The following AK5 variants were observed in gnomAD, a reference collection of about 807,000 sequenced individuals.
AK5 encodes the protein adenylate kinase 5, also known as adenylate kinase isoenzyme 5.
A neutral mutation model predicts 69.5 loss-of-function variants in AK5; 27 were observed. That is an observed-to-expected ratio of 0.39 (90% CI 0.29 to 0.54). The LOEUF is 0.54. Among genes scored for constraint, AK5 ranks in the 20% least tolerant of loss-of-function variants. The probability of loss-of-function intolerance (pLI) is 0.71; values close to 1 mark genes in which losing one functional copy is unlikely to be tolerated. For missense variants in AK5, 531 were observed against 700.4 expected (o/e 0.76, Z 2.73); for synonymous variants, 260 against 244.4 (o/e 1.06, Z -0.60).
intron 6 of AK5, among the ~76,000 whole-genome samples, chr1:77,354,054 T>C (rs1662360045): frequency 6.6e-6 from 1 of 152,038 alleles, no homozygotes; most frequent in South Asian, 2.1e-4. Flanking sequence ...CAAGAAGAAA[T>C]GAGACATCTG....
At chr1:77,423,223 AAAAAAAAT>A (rs1457018611) in intron 8 of AK5, among the ~76,000 whole-genome samples, 5 of 131,662 alleles carry the variant, frequency 3.8e-5, no homozygotes, top group Non-Finnish European at 7.0e-5. Context: ...TCCGTCTAAA[AAAAAAAAT>A]AAAAAAAAAA....
chr1:77,333,378 AT>A (rs945520791), intron 5 of AK5, among the ~76,000 whole-genome samples: 4 of 152,196 alleles, frequency 2.6e-5, no homozygotes, highest in East Asian at 3.9e-4. Flanking sequence ...TCCAGTTCAT[AT>A]TTTTTTAATT....
chr1:77,441,669 G>A (rs1267451316), intron 8 of AK5, among the ~76,000 whole-genome samples: 1 of 152,158 alleles, frequency 6.6e-6, no homozygotes, highest in Non-Finnish European at 1.5e-5. Flanking sequence ...AAGGGCTTCC[G>A]GGGTCTTCCT....
intron 3 of AK5, among the ~76,000 whole-genome samples, chr1:77,295,227 T>C (rs1207061201): frequency 2.0e-5 from 3 of 152,194 alleles, no homozygotes; most frequent in African/African-American, 7.2e-5. Context: ...GTCAAATTTA[T>C]GGAGACCCCA....
At chr1:77,526,102 T>C (rs1658265643) in intron 12 of AK5, among the ~76,000 whole-genome samples, 1 of 152,224 alleles carries the variant, frequency 6.6e-6, no homozygotes, top group African/African-American at 2.4e-5. Context: ...TCTAATCTTC[T>C]AGCCAACGTC....
intron 8 of AK5, among the ~76,000 whole-genome samples, chr1:77,482,325 A>T (rs1484539710): frequency 1.3e-5 from 2 of 152,208 alleles, no homozygotes; most frequent in African/African-American, 4.8e-5. Context: ...ATTTTTTTCC[A>T]ACCACCATGG....
chr1:77,351,230 C>T (rs1662179858), intron 6 of AK5, among the ~76,000 whole-genome samples: 1 of 151,806 alleles, frequency 6.6e-6, no homozygotes, highest in African/African-American at 2.4e-5. Context: ...CCCATCTCTA[C>T]CAAAAATACA....
intron 6 of AK5, among the ~76,000 whole-genome samples, chr1:77,368,284 T>TATATATA (rs761353767): frequency 0.12 from 11,816 of 97,994 alleles, 1,048 homozygotes; most frequent in East Asian, 0.29. Context: ...TTATATATGT[T>TATATATA]ATATATATGT....
chr1:77,426,881 A>G (rs947180559), intron 8 of AK5, among the ~76,000 whole-genome samples: 15 of 152,234 alleles, frequency 9.9e-5, no homozygotes, highest in African/African-American at 3.6e-4. Flanking sequence ...ATTTCTAAAT[A>G]ACACTTGGGT....
chr1:77,534,645 T>TGA (rs1308824448), intron 12 of AK5, among the ~76,000 whole-genome samples: 2 of 152,146 alleles, frequency 1.3e-5, no homozygotes, highest in African/African-American at 4.8e-5. Context: ...TTCTAGTTAA[T>TGA]GAGGAAGTCA....
At chr1:77,377,745 C>T (rs536788026) in intron 6 of AK5, among the ~76,000 whole-genome samples, 24 of 152,278 alleles carry the variant, frequency 1.6e-4, no homozygotes, top group African/African-American at 5.5e-4. Flanking sequence ...GTTCCTTAAG[C>T]GGGTGATATA....
intron 5 of AK5, among the ~76,000 whole-genome samples, chr1:77,329,676 C>A (rs1248254980): frequency 6.6e-6 from 1 of 152,184 alleles, no homozygotes; most frequent in African/African-American, 2.4e-5. Context: ...GTTATCAAAT[C>A]CAAGGGGAGT....
intron 12 of AK5, among the ~76,000 whole-genome samples, chr1:77,524,181 C>G (rs149582795): frequency 5.0e-4 from 76 of 152,264 alleles, no homozygotes; most frequent in African/African-American, 1.8e-3. Context: ...ATTCATTCAC[C>G]TATCGATAGA....
At chr1:77,337,697 A>G (rs1327663453) in intron 5 of AK5, among the ~76,000 whole-genome samples, 2 of 152,216 alleles carry the variant, frequency 1.3e-5, no homozygotes, top group Non-Finnish European at 2.9e-5. Flanking sequence ...TTTCTCAAAA[A>G]TGATTTGCAT....
Position 77,460,810 on chromosome 1 carries a change from G to C in AK5, c.1060-22507G>C, listed in dbSNP as rs377104703. 2.0e-5 allele frequency among the ~76,000 whole-genome samples: 3 copies of C among 151,964 alleles called. No homozygotes were observed. The South Asian group carries it at 6.2e-4, about 32-fold the overall frequency. The stretch of plus-strand genomic sequence containing the variant: ...GCAATCTCGGCTCACTGCAACCTCT[G>C]CCTCCTGGGTTCAAGCTATTCTCAT... On this transcript the variant is annotated intron_variant, in intron 8 of 13. Coordinates refer to ENST00000354567, the MANE Select transcript of AK5 (RefSeq NM_174858.3).
intron 5 of AK5, among the ~76,000 whole-genome samples, chr1:77,324,529 A>C (rs981586106): frequency 5.3e-5 from 8 of 152,204 alleles, no homozygotes; most frequent in Non-Finnish European, 1.2e-4. Context: ...CTGTATCTAA[A>C]GTGCAGTGAT....
At position 77,287,106 on chromosome 1, in the gene AK5, C is replaced by T. The variant is rs763885359; in HGVS notation, c.226C>T (p.Arg76Trp). Residue 76 changes from arginine to tryptophan, a missense_variant, in exon 2 of 14, where the codon CGG becomes TGG. Coordinates refer to ENST00000354567, the MANE Select transcript of AK5 (RefSeq NM_174858.3). ...ACCTCCACTAAATGGAGGACAGTCA[C>T]GGAGATCCTTTCTAAGAAATGGTAA... Reference protein sequence around the residue: ...TLPPLNGGQSRRSFLRNVMPE... With the variant: ...TLPPLNGGQSWRSFLRNVMPE... 9 of 1,569,370 alleles carry T rather than the reference C, an allele frequency of 5.7e-6. No individual in the cohort carries two copies. The highest frequency in any genetic ancestry group is 2.8e-5 in the African/African-American group (2 of 72,686).
intron 6 of AK5, among the ~76,000 whole-genome samples, chr1:77,366,714 A>G (rs1646955933): frequency 6.6e-6 from 1 of 152,180 alleles, no homozygotes. Flanking sequence ...CTTAGAGTTA[A>G]ACTTTCAGGA....
In AK5 at chr1:77,362,215, G is replaced by A. The variant is rs537985121; in HGVS notation, c.891+21647G>A. On this transcript the variant is annotated intron_variant, in intron 6 of 13. Transcript: ENST00000354567. ...TAAAATGTTTGCAACTCACCCTCAA[G>A]CAATATTGACATTCTTATTTTCAGA... Among the ~76,000 whole-genome samples the A allele has an allele frequency of 7.9e-5, 12 of 152,244 alleles. No individual in the cohort carries two copies. The South Asian group carries it at 2.1e-3, about 26-fold the overall frequency.
Sources: allele counts gnomAD v4.1 joint callset (sites outside exome capture counted in the v4.1 genomes callset), GRCh38; gene constraint gnomAD v4.1.1; transcripts MANE v1.5; gene names NCBI Gene and HGNC (gene_info 2026-07-23, HGNC 2026-07-21).